CCDC63: variants seen among roughly 807,000 people sequenced by gnomAD.
CCDC63 encodes the protein coiled-coil domain-containing protein 63.
In CCDC63, 54 loss-of-function variants were observed where a neutral mutation model predicts 63.6. The ratio of observed to expected loss-of-function variants is 0.85; its 90% CI spans 0.68 to 1.07. The LOEUF (loss-of-function observed/expected upper bound fraction) is 1.07, where lower values mean the gene tolerates loss of function less well. CCDC63 is among the 50% of genes least tolerant of loss of function. The probability of loss-of-function intolerance (pLI) is 0.00; values close to 1 mark genes in which losing one functional copy is unlikely to be tolerated. For missense variants in CCDC63, 637 were observed against 689.6 expected (o/e 0.92, Z 0.86); for synonymous variants, 253 against 266.1 (o/e 0.95, Z 0.48).
chr12:110,880,735 G>GC (rs374806329), intron 6 of CCDC63, among the ~76,000 whole-genome samples: 1 of 11,114 alleles, frequency 9.0e-5, no homozygotes, highest in Non-Finnish European at 2.3e-4. Flanking sequence ...TATAGTGATG[G>GC]GGTGGTGATG....
chr12:110,893,003 G>A (rs961352962), intron 8 of CCDC63, 73 bp from the exon 9 acceptor site: 20 of 1,176,960 alleles, frequency 1.7e-5, no homozygotes, highest in African/African-American at 3.0e-5. Flanking sequence ...TCTTTGAGGC[G>A]CACACTTATT....
chr12:110,889,260 C>T lies in CCDC63; in HGVS notation c.1075-3816C>T, dbSNP rs970929883. Reference sequence around the variant, plus strand: ...GATAATGTGGCAGTGAACAGGATGACAAAAAGTTCAGCCCTCACAGAACTG... The same window carrying T: ...GATAATGTGGCAGTGAACAGGATGATAAAAAGTTCAGCCCTCACAGAACTG... On this transcript the variant is annotated intron_variant, in intron 8 of 11. Coordinates refer to ENST00000308208, the MANE Select transcript of CCDC63 (RefSeq NM_152591.3). This position sits in a 1 kb window ranked among gnomAD's most constrained non-coding sequence, Gnocchi z 4.1. 5.9e-5 allele frequency among the ~76,000 whole-genome samples: 9 copies of T among 152,134 alleles called. No homozygotes were observed. Among genetic ancestry groups the T allele is most frequent in the Non-Finnish European group, 1.2e-4 (8 of 68,036 alleles).
At chr12:110,878,907 A>G (rs1311628680) in intron 5 of CCDC63, among the ~76,000 whole-genome samples, 1 of 152,238 alleles carries the variant, frequency 6.6e-6, no homozygotes, top group Admixed American at 6.5e-5. Flanking sequence ...TAAAAAAGCT[A>G]AGACAATTTA....
chr12:110,858,855 G>A, intron 4 of CCDC63, 80 bp downstream of exon 4: 1 of 1,240,408 alleles, frequency 8.1e-7, no homozygotes, highest in Non-Finnish European at 1.2e-6. Context: ...GATGCCTTAG[G>A]CCAGACCTGA....
intron 3 of CCDC63, among the ~76,000 whole-genome samples, chr12:110,857,284 C>G (rs61453357): frequency 9.6e-4 from 146 of 151,942 alleles, no homozygotes; most frequent in African/African-American, 2.0e-3. Context: ...CACCACCCCC[C>G]CCGGCTAATT....
intron 7 of CCDC63, among the ~76,000 whole-genome samples, chr12:110,883,089 G>A (rs2071228414): frequency 1.3e-5 from 2 of 150,650 alleles, no homozygotes; most frequent in South Asian, 4.2e-4. Context: ...CCAGGCTGGA[G>A]TGCAGTGGCG....
chr12:110,857,622 A>G (rs2070791008), intron 3 of CCDC63, among the ~76,000 whole-genome samples: 1 of 152,062 alleles, frequency 6.6e-6, no homozygotes. Context: ...GTCAGTCTCC[A>G]GACTGCCAGA....
chr12:110,898,039 T>C (rs2071435729), intron 9 of CCDC63, among the ~76,000 whole-genome samples: 1 of 151,710 alleles, frequency 6.6e-6, no homozygotes, highest in Non-Finnish European at 1.5e-5. Context: ...CTCAGCACAA[T>C]GGGAGGCCAA....
At chr12:110,877,736 C>G (rs1333223356) in intron 5 of CCDC63, among the ~76,000 whole-genome samples, 2 of 143,788 alleles carry the variant, frequency 1.4e-5, no homozygotes, top group Admixed American at 7.2e-5. Flanking sequence ...GACTGAGTCT[C>G]ATGCTGTCAC....
At chr12:110,847,343 C>A (rs760812112) in intron 1 of CCDC63, among the ~76,000 whole-genome samples, 1 of 152,146 alleles carries the variant, frequency 6.6e-6, no homozygotes, top group African/African-American at 2.4e-5. Flanking sequence ...GCAAGAGGAT[C>A]GCTTGAGCCC....
intron 4 of CCDC63, among the ~76,000 whole-genome samples, chr12:110,870,899 A>G (rs769617625): frequency 6.6e-6 from 1 of 152,122 alleles, no homozygotes; most frequent in Non-Finnish European, 1.5e-5. Context: ...ACTTGTCTAC[A>G]TTCCCTGCTT....
At chr12:110,863,111 T>C (rs1566119495) in intron 4 of CCDC63, among the ~76,000 whole-genome samples, 1 of 152,204 alleles carries the variant, frequency 6.6e-6, no homozygotes, top group Admixed American at 6.5e-5. Context: ...CCCAGCTATT[T>C]GTTTTATTTC....
At chr12:110,858,861 C>T (rs1316291959) in intron 4 of CCDC63, 86 bp downstream of exon 4, 2 of 1,076,558 alleles carry the variant, frequency 1.9e-6, no homozygotes, top group Non-Finnish European at 2.8e-6. Flanking sequence ...TTAGGCCAGA[C>T]CTGACACCCC....
intron 4 of CCDC63, among the ~76,000 whole-genome samples, chr12:110,870,116 C>G (rs528032536): frequency 6.6e-6 from 1 of 152,140 alleles, no homozygotes; most frequent in Non-Finnish European, 1.5e-5. Flanking sequence ...GAGTTTTGCT[C>G]TTGTCGCCCA....
intron 10 of CCDC63, among the ~76,000 whole-genome samples, chr12:110,902,429 G>A (rs900350424): frequency 6.6e-6 from 1 of 152,078 alleles, no homozygotes; most frequent in Non-Finnish European, 1.5e-5. Context: ...CCTGCATCTT[G>A]TTCCTACCTT....
In CCDC63 at chr12:110,885,179, G is replaced by GA. The variant is rs763360457; in HGVS notation, c.1074+941dup. On this transcript the variant is annotated intron_variant, in intron 8 of 11. Transcript: ENST00000308208. ...TTACATTTTTAAAGGATTGTAAGAA[G>GA]AAAAAAAAAAAAGAGAGAGAGAGAA... Among the ~76,000 whole-genome samples the GA allele has an allele frequency of 4.7e-3, 624 of 133,924 alleles. 6 individuals are homozygous for GA. The East Asian group carries it at 0.047, about 10-fold the overall frequency. 87.9% of individuals were successfully genotyped at this position (133,924 alleles called of 152,430 possible). A position where few individuals can be genotyped will look rare whatever the true frequency, so the allele number is the denominator to read the frequency against.
At chr12:110,906,047 TA>T (rs1566144870) in intron 11 of CCDC63, among the ~76,000 whole-genome samples, 24 of 69,980 alleles carry the variant, frequency 3.4e-4, no homozygotes, top group African/African-American at 1.5e-3. Flanking sequence ...ATATAATATA[TA>T]ATATATATAT....
rs1017903732 is a variant in CCDC63, at chr12:110,907,418, G to A, written c.1634G>A (p.Gly545Glu). 22 of 1,614,096 alleles carry A rather than the reference G, an allele frequency of 1.4e-5. No homozygotes were observed. In the Admixed American group the frequency reaches 1.8e-4, roughly 13 times the overall value. The change falls in exon 12 of 12, where the codon GGA (glycine) becomes GAA (glutamate). Residue 545 changes from glycine (G) to glutamate (E), a missense_variant. Gly to Glu is a moderately conservative substitution (Grantham distance 98). Coordinates refer to ENST00000308208, the MANE Select transcript of CCDC63 (RefSeq NM_152591.3). This position sits in a 1 kb window ranked among gnomAD's most constrained non-coding sequence, Gnocchi z 4.4. The part of the protein sequence containing the change: ...LKENRSKEVR[G>E]DSLPEKVDDF... ...GAGAATCGGAGTAAGGAAGTGCGCGGAGACAGCCTGCCTGAGAAGGTGGAT... is the reference window on the plus strand; with the variant it reads ...GAGAATCGGAGTAAGGAAGTGCGCGAAGACAGCCTGCCTGAGAAGGTGGAT...
intron 4 of CCDC63, among the ~76,000 whole-genome samples, chr12:110,872,776 C>A (rs2071083350): frequency 6.6e-6 from 1 of 152,142 alleles, no homozygotes; most frequent in South Asian, 2.1e-4. Flanking sequence ...TAGGTGCATG[C>A]CACCAAGCCT....
Sources: allele counts gnomAD v4.1 joint callset (sites outside exome capture counted in the v4.1 genomes callset), GRCh38; gene constraint gnomAD v4.1.1; non-coding constraint Gnocchi (gnomAD v3.1); transcripts MANE v1.5; gene names NCBI Gene and HGNC (gene_info 2026-07-23, HGNC 2026-07-21).